Variants in HSF2BP observed in about 807,000 individuals in gnomAD.
HSF2BP encodes the protein heat shock transcription factor 2 binding protein.
In HSF2BP, 35 loss-of-function variants were observed where a neutral mutation model predicts 35.0. The ratio of observed to expected loss-of-function variants is 1.00; its 90% CI spans 0.76 to 1.32. HSF2BP has a LOEUF of 1.32. HSF2BP is among the 40% of genes most tolerant of loss of function. The pLI is 0.00. For synonymous variants in HSF2BP, 114 were observed against 117.4 expected (o/e 0.97, Z 0.18); for missense variants, 326 against 321.7 (o/e 1.01, Z -0.10).
intron 7 of HSF2BP, among the ~76,000 whole-genome samples, chr21:43,604,390 A>AC (rs2082092426): frequency 7.5e-6 from 1 of 133,852 alleles, no homozygotes. Flanking sequence ...CACACACACC[A>AC]CACACACTAC....
At chr21:43,507,070 A>G in the HSF2BP span, among the ~76,000 whole-genome samples, 45 of 124,248 alleles carry the variant, frequency 3.6e-4, 15 homozygotes, top group Non-Finnish European at 6.3e-4. Flanking sequence ...GCCCTCACAG[A>G]GCACGCGTGG....
At chr21:43,640,577 G>T (rs2082622562) in intron 4 of HSF2BP, among the ~76,000 whole-genome samples, 1 of 152,162 alleles carries the variant, frequency 6.6e-6, no homozygotes, top group African/African-American at 2.4e-5. Flanking sequence ...GAAATACAAA[G>T]AAGTCCAGGT....
chr21:43,650,747 A>G (rs1343021767), intron 3 of HSF2BP, among the ~76,000 whole-genome samples: 9 of 114,290 alleles, frequency 7.9e-5, no homozygotes, highest in African/African-American at 3.2e-4. Flanking sequence ...TCACTTTGTC[A>G]CCCAGTTTGG....
Position 43,612,546 on chromosome 21 carries a change from A to G in HSF2BP, c.692+1284T>C, listed in dbSNP as rs979761068. Among the ~76,000 whole-genome samples the G allele has an allele frequency of 9.3e-5, 14 of 150,014 alleles. No individual in the cohort carries two copies. In the East Asian group the frequency reaches 1.6e-3, roughly 17 times the overall value. ...GGCGCCTGTAGTCCCAGCTACTTGG[A>G]AGGCTGAGGCAGGAGAATGGTGTGA... On this transcript the variant is annotated intron_variant, in intron 7 of 8. Coordinates refer to ENST00000291560, the MANE Select transcript of HSF2BP (RefSeq NM_007031.2).
chr21:43,467,612 C>G, the HSF2BP span, among the ~76,000 whole-genome samples: 7 of 151,316 alleles, frequency 4.6e-5, no homozygotes, highest in South Asian at 1.5e-3. Flanking sequence ...CACCCAGAAG[C>G]TAGAGAGTAA....
At chr21:43,615,521 C>A (rs914549797) in intron 6 of HSF2BP, among the ~76,000 whole-genome samples, 1 of 152,192 alleles carries the variant, frequency 6.6e-6, no homozygotes, top group Non-Finnish European at 1.5e-5. Context: ...AGATGGACCA[C>A]AAGAGGGATA....
chr21:43,644,141 T>G (rs1048279218), intron 4 of HSF2BP, 148 bp downstream of exon 4: 5 of 590,618 alleles, frequency 8.5e-6, no homozygotes, highest in East Asian at 2.8e-5. Flanking sequence ...TCAACTACAT[T>G]CCAACCCACT....
intron 5 of HSF2BP, among the ~76,000 whole-genome samples, chr21:43,632,100 TCTC>T: frequency 7.3e-4 from 6 of 8,274 alleles, no homozygotes; most frequent in African/African-American, 1.9e-3. Context: ...ACACACACGC[TCTC>T]CCCACACACA....
intron 6 of HSF2BP, among the ~76,000 whole-genome samples, chr21:43,618,628 A>T (rs2146944730): frequency 6.6e-6 from 1 of 152,330 alleles, no homozygotes; most frequent in East Asian, 1.9e-4. Flanking sequence ...AAAATGGATC[A>T]AAGATCTGAA....
chr21:43,601,574 G>A (rs2146842381), intron 7 of HSF2BP, among the ~76,000 whole-genome samples: 1 of 152,182 alleles, frequency 6.6e-6, no homozygotes, highest in Non-Finnish European at 1.5e-5. Flanking sequence ...ACTAGACAGG[G>A]TAAAACCCAA....
chr21:43,588,577 C>T (rs968568356), intron 8 of HSF2BP, among the ~76,000 whole-genome samples: 6 of 152,162 alleles, frequency 3.9e-5, no homozygotes, highest in African/African-American at 1.4e-4. Context: ...TCAGTTTCTT[C>T]ATCTATGATA....
chr21:43,598,391 T>TTG (rs948325754), intron 7 of HSF2BP, among the ~76,000 whole-genome samples: 4 of 149,200 alleles, frequency 2.7e-5, no homozygotes, highest in South Asian at 2.1e-4. Context: ...GTTTTTTTGT[T>TTG]TTTTTTTTTT....
At chr21:43,643,729 C>T (rs926860582) in intron 4 of HSF2BP, among the ~76,000 whole-genome samples, 5 of 152,238 alleles carry the variant, frequency 3.3e-5, no homozygotes, top group African/African-American at 9.6e-5. Context: ...GAGGCTGAGG[C>T]GGGCAGATCA....
chr21:43,637,109 C>T (rs921273872), intron 4 of HSF2BP, among the ~76,000 whole-genome samples: 2 of 151,340 alleles, frequency 1.3e-5, no homozygotes, highest in African/African-American at 4.9e-5. Flanking sequence ...GCCAACATGG[C>T]GAAACCCTGC....
chr21:43,631,203 T>C (rs1325396461), intron 5 of HSF2BP, among the ~76,000 whole-genome samples: 1 of 152,216 alleles, frequency 6.6e-6, no homozygotes, highest in Non-Finnish European at 1.5e-5. Flanking sequence ...TCTTTCCACC[T>C]AAAGTCAAAC....
chr21:43,596,445 G>A (rs2081988450), intron 7 of HSF2BP, among the ~76,000 whole-genome samples: 1 of 151,894 alleles, frequency 6.6e-6, no homozygotes, highest in African/African-American at 2.4e-5. Flanking sequence ...AAAAATAGCT[G>A]CAGCAATGGC....
At chr21:43,608,378 G>C (rs1478303080) in intron 7 of HSF2BP, among the ~76,000 whole-genome samples, 2 of 152,108 alleles carry the variant, frequency 1.3e-5, no homozygotes, top group Non-Finnish European at 2.9e-5. Flanking sequence ...TCAGGGAAAC[G>C]CAAATCAAAA....
intron 7 of HSF2BP, among the ~76,000 whole-genome samples, chr21:43,602,089 C>T (rs939272797): frequency 1.4e-4 from 21 of 152,228 alleles, no homozygotes; most frequent in African/African-American, 1.2e-4. Context: ...TGCTCTCACT[C>T]ATCATGCAAC....
At chr21:43,610,924 G>C (rs1318135190) in intron 7 of HSF2BP, among the ~76,000 whole-genome samples, 1 of 152,140 alleles carries the variant, frequency 6.6e-6, no homozygotes, top group African/African-American at 2.4e-5. Context: ...ATGCCCATCA[G>C]TCAGGGAAGG....
Sources: allele counts gnomAD v4.1 joint callset (sites outside exome capture counted in the v4.1 genomes callset), GRCh38; gene constraint gnomAD v4.1.1; transcripts MANE v1.5; gene names NCBI Gene and HGNC (gene_info 2026-07-23, HGNC 2026-07-21).